PFKFB3: variants seen among roughly 807,000 people sequenced by gnomAD.
PFKFB3 encodes 6-phosphofructo-2-kinase/fructose-2,6-bisphosphatase 3.
In PFKFB3, 33 loss-of-function variants were observed where a neutral mutation model predicts 68.0. The ratio of observed to expected loss-of-function variants is 0.49; its 90% CI spans 0.37 to 0.65. PFKFB3 has a LOEUF of 0.65. Ranked by LOEUF, PFKFB3 falls within the 30% of genes least tolerant of loss-of-function variation. PFKFB3 has a pLI of 0.00. For missense variants in PFKFB3, 586 were observed against 712.2 expected, an observed-to-expected ratio of 0.82 and a Z score of 2.02; for synonymous variants, 315 against 288.2, an observed-to-expected ratio of 1.09 and a Z score of -0.94.
intron 1 of PFKFB3, chr10:6,152,408 G>A (rs1192494935): frequency 2.0e-5 from 3 of 152,602 alleles, no homozygotes; most frequent in Admixed American, 2.0e-4. Context: ...CCTCCATGGA[G>A]GCTCCCCAAG....
intron 1 of PFKFB3, among the ~76,000 whole-genome samples, chr10:6,206,790 C>T (rs572540075): frequency 1.7e-5 from 2 of 119,328 alleles, no homozygotes; most frequent in South Asian, 3.0e-4. Context: ...GGGGTCCTCA[C>T]ATCCCAGACG....
the PFKFB3 span, among the ~76,000 whole-genome samples, chr10:6,297,191 C>T: frequency 3.9e-5 from 6 of 152,194 alleles, no homozygotes; most frequent in South Asian, 2.1e-4. Flanking sequence ...CAGTGTTTGG[C>T]TAAGTGCTGG....
the PFKFB3 span, among the ~76,000 whole-genome samples, chr10:6,316,122 A>T: frequency 6.6e-6 from 1 of 152,162 alleles, no homozygotes; most frequent in Non-Finnish European, 1.5e-5. Context: ...GTGTATGGAG[A>T]CGTGGATTTG....
At chr10:6,276,351 A>G in the PFKFB3 span, among the ~76,000 whole-genome samples, 1 of 152,110 alleles carries the variant, frequency 6.6e-6, no homozygotes, top group Admixed American at 6.6e-5. Flanking sequence ...ATGAAAGTGG[A>G]AAATGTGTTT....
intron 1 of PFKFB3, among the ~76,000 whole-genome samples, chr10:6,208,390 T>TTTTTTTTTTTTTTTC (rs1843938691): frequency 6.8e-6 from 1 of 146,760 alleles, no homozygotes; most frequent in Non-Finnish European, 1.5e-5. Flanking sequence ...TTTTTTTTTT[T>TTTTTTTTTTTTTTTC]TTTGCCTCTT....
the PFKFB3 span, among the ~76,000 whole-genome samples, chr10:6,262,229 C>T: frequency 2.9e-4 from 44 of 151,416 alleles, no homozygotes; most frequent in East Asian, 1.2e-3. Context: ...CTGAGGCGGG[C>T]GGATCACGAG....
chr10:6,148,430 G>A (rs934153963), intron 1 of PFKFB3, among the ~76,000 whole-genome samples: 13 of 152,238 alleles, frequency 8.5e-5, no homozygotes, highest in African/African-American at 3.1e-4. Flanking sequence ...TCTGGGCCAT[G>A]TCCCCTATGC....
At chr10:6,267,896 A>G in the PFKFB3 span, among the ~76,000 whole-genome samples, 6 of 142,340 alleles carry the variant, frequency 4.2e-5, no homozygotes, top group Middle Eastern at 3.4e-3. Context: ...CAGAGGTTGC[A>G]GTGAGCCGAG....
chr10:6,317,726 A>G, the PFKFB3 span, among the ~76,000 whole-genome samples: 1 of 152,202 alleles, frequency 6.6e-6, no homozygotes, highest in Non-Finnish European at 1.5e-5. Context: ...TTCTTCCATA[A>G]AGAATGATGA....
intron 14 of PFKFB3, among the ~76,000 whole-genome samples, chr10:6,251,544 G>T (rs550274034): frequency 2.6e-5 from 4 of 152,190 alleles, no homozygotes; most frequent in East Asian, 1.9e-4. Context: ...GGGAAGCCTC[G>T]CAAGAAGAGA....
chr10:6,153,654 G>T (rs1423989083), intron 1 of PFKFB3, among the ~76,000 whole-genome samples: 4 of 152,160 alleles, frequency 2.6e-5, no homozygotes, highest in African/African-American at 9.7e-5. Context: ...AGGAGTTCGA[G>T]ACCAGCCTGT....
At chr10:6,255,402 G>A (rs1203744409), downstream of PFKFB3, among the ~76,000 whole-genome samples, 1 of 152,236 alleles carries the variant, frequency 6.6e-6, no homozygotes, top group African/African-American at 2.4e-5. Flanking sequence ...GGGATTACAG[G>A]CGTGAGCCAT....
chr10:6,304,194 T>C, the PFKFB3 span, among the ~76,000 whole-genome samples: 2 of 152,186 alleles, frequency 1.3e-5, no homozygotes, highest in Non-Finnish European at 2.9e-5. Context: ...CAGTAACAGA[T>C]AGATTTAAAT....
chr10:6,259,195 C>CTAT (rs1846516856), downstream of PFKFB3, among the ~76,000 whole-genome samples: 1 of 143,654 alleles, frequency 7.0e-6, no homozygotes, highest in Non-Finnish European at 1.5e-5. Flanking sequence ...ATCCATCCAT[C>CTAT]CATCCATCCA....
chr10:6,222,048 T>G (rs1446956624), intron 10 of PFKFB3, among the ~76,000 whole-genome samples: 2 of 151,654 alleles, frequency 1.3e-5, no homozygotes, highest in East Asian at 4.0e-4. Context: ...GGTGGCTCTA[T>G]ATCCCCTGGG....
chr10:6,293,070 A>G, the PFKFB3 span: 1 of 389,390 alleles, frequency 2.6e-6, no homozygotes, highest in Non-Finnish European at 5.1e-6. Context: ...GGAGACGTTC[A>G]GCTACATTTC....
At chr10:6,166,383 G>A (rs144993837) in intron 1 of PFKFB3, among the ~76,000 whole-genome samples, 1 of 151,440 alleles carries the variant, frequency 6.6e-6, no homozygotes, top group African/African-American at 2.4e-5. Context: ...ATGAGCCACC[G>A]CCCGGCTTAG....
At chr10:6,304,808 A>G in the PFKFB3 span, among the ~76,000 whole-genome samples, 2 of 144,966 alleles carry the variant, frequency 1.4e-5, no homozygotes, top group Admixed American at 1.4e-4. Context: ...GTCATGAGCC[A>G]CTATCTCTTA....
intron 14 of PFKFB3, among the ~76,000 whole-genome samples, chr10:6,232,006 C>T (rs867830116): frequency 6.6e-6 from 1 of 152,276 alleles, no homozygotes; most frequent in Non-Finnish European, 1.5e-5. Context: ...TGGCTCCAGC[C>T]TTGGACCCCC....
Sources: gnomAD v4.1 joint callset for allele counts (sites outside exome capture counted in the v4.1 genomes callset) on GRCh38, gnomAD v4.1.1 for gene constraint, MANE v1.5 for transcripts, NCBI Gene and HGNC (gene_info 2026-07-23, HGNC 2026-07-21) for gene names.